Variants in GABRG3 observed in about 807,000 individuals in gnomAD.
The protein encoded by GABRG3 is gamma-aminobutyric acid receptor subunit gamma-3.
GABRG3 carries 25 observed loss-of-function variants against 48.8 expected under a neutral mutation model. The observed-to-expected ratio is 0.51, with a 90% confidence interval of 0.37 to 0.72. The LOEUF (loss-of-function observed/expected upper bound fraction) is 0.72. Ranked by LOEUF, GABRG3 falls within the 30% of genes least tolerant of loss-of-function variation. GABRG3 has a pLI of 0.00. For synonymous variants in GABRG3, 227 were observed against 217.6 expected, an observed-to-expected ratio of 1.04 and a Z score of -0.38; for missense variants, 394 against 577.9, an observed-to-expected ratio of 0.68 and a Z score of 3.26.
At chr15:27,295,810 AG>A (rs926698365) in intron 3 of GABRG3, among the ~76,000 whole-genome samples, 10 of 152,174 alleles carry the variant, frequency 6.6e-5, no homozygotes, top group African/African-American at 2.4e-4. Flanking sequence ...ATGCACCCTG[AG>A]TCCCACTCCT....
intron 6 of GABRG3, among the ~76,000 whole-genome samples, chr15:27,488,666 G>A (rs1008429809): frequency 6.6e-6 from 1 of 152,156 alleles, no homozygotes; most frequent in Non-Finnish European, 1.5e-5. Context: ...TGAATGTTTG[G>A]AAGAGAAAAT....
chr15:27,272,568 C>CT (rs1237541702), intron 3 of GABRG3, among the ~76,000 whole-genome samples: 1 of 152,146 alleles, frequency 6.6e-6, no homozygotes, highest in Admixed American at 6.5e-5. Context: ...TTTTGAAAGT[C>CT]TGACTGCTAA....
chr15:26,982,157 T>C (rs994085140), intron 2 of GABRG3, among the ~76,000 whole-genome samples: 2 of 152,234 alleles, frequency 1.3e-5, no homozygotes, highest in Admixed American at 6.5e-5. Flanking sequence ...AAAATCTTTC[T>C]AGTGTGAAGA....
chr15:27,280,195 T>G (rs886642983), intron 3 of GABRG3: 2 of 152,172 alleles, frequency 1.3e-5, no homozygotes, highest in African/African-American at 4.8e-5. Flanking sequence ...TGCTATTCTT[T>G]TTTCTTAAGG....
intron 7 of GABRG3, among the ~76,000 whole-genome samples, chr15:27,525,923 A>G (rs1339698476): frequency 6.6e-6 from 1 of 151,190 alleles, no homozygotes; most frequent in Non-Finnish European, 1.5e-5. Context: ...ATAAACATGT[A>G]CATTCTGCAC....
Position 27,452,529 on chromosome 15 carries a change from C to T in GABRG3, c.575-28121C>T, listed in dbSNP as rs544834567. 9.4e-4 allele frequency among the ~76,000 whole-genome samples: 143 copies of T among 152,280 alleles called. 1 individual carries two copies. The highest frequency in any genetic ancestry group is 3.3e-3 in the African/African-American group (138 of 41,568). ...ATAACAAAAACAGTCAATTAACACA[C>T]ATTTCATTTGTTATATGCATTATAT... On this transcript the variant is annotated intron_variant, in intron 5 of 9. Transcript: ENST00000615808.
In GABRG3 at chr15:27,053,772, G is replaced by A. The variant is rs367922884; in HGVS notation, c.270+26951G>A. On this transcript the variant is annotated intron_variant, in intron 3 of 9. Transcript: ENST00000615808. ...AAAAGAAAATGTGTAAATATACACC[G>A]TGAAATACCGCGCAGCCATTAAGAA... Among the ~76,000 whole-genome samples the A allele has an allele frequency of 5.3e-5, 8 of 152,212 alleles. No homozygotes were observed. In the East Asian group the frequency reaches 1.2e-3, roughly 22 times the overall value.
At chr15:27,127,009 T>C (rs529838264) in intron 3 of GABRG3, among the ~76,000 whole-genome samples, 1 of 152,244 alleles carries the variant, frequency 6.6e-6, no homozygotes, top group African/African-American at 2.4e-5. Context: ...AGATTTTTAA[T>C]AGTATACATT....
At chr15:27,175,459 C>T (rs895180721) in intron 3 of GABRG3, among the ~76,000 whole-genome samples, 1 of 152,204 alleles carries the variant, frequency 6.6e-6, no homozygotes, top group South Asian at 2.1e-4. Context: ...CTAAATATAT[C>T]ATCCATAGGT....
chr15:27,041,115 G>A (rs79300677), intron 3 of GABRG3, among the ~76,000 whole-genome samples: 3,497 of 152,280 alleles, frequency 0.023, 134 homozygotes, highest in African/African-American at 0.079. Flanking sequence ...GATGGTATAT[G>A]CACCATTCAC....
chr15:27,204,314 C>T (rs1888786257), intron 3 of GABRG3, among the ~76,000 whole-genome samples: 1 of 152,068 alleles, frequency 6.6e-6, no homozygotes, highest in Non-Finnish European at 1.5e-5. Flanking sequence ...AGTGCTTTCC[C>T]TATTGCTTGT....
At position 27,241,215 on chromosome 15, in the gene GABRG3, G is replaced by A. The variant is rs181298869; in HGVS notation, c.271-85594G>A. Among the ~76,000 whole-genome samples, 12 of 152,226 alleles carry A rather than the reference G, an allele frequency of 7.9e-5. No homozygotes were observed. The East Asian group carries it at 2.1e-3, about 27-fold the overall frequency. On this transcript the variant is annotated intron_variant, in intron 3 of 9. Transcript: ENST00000615808. ...TTTCACATACTATATGGTACCCGAG[G>A]TCACAACAGGTCATTGGTCATGAGG...
chr15:27,515,150 G>A (rs933038629), intron 6 of GABRG3, among the ~76,000 whole-genome samples: 4 of 151,878 alleles, frequency 2.6e-5, no homozygotes, highest in Admixed American at 2.0e-4. Flanking sequence ...GTGGCATTCC[G>A]AGATAGTTCT....
At chr15:27,063,690 G>A (rs946433209) in intron 3 of GABRG3, among the ~76,000 whole-genome samples, 9 of 152,204 alleles carry the variant, frequency 5.9e-5, no homozygotes, top group South Asian at 2.1e-4. Context: ...ATAGCCTTGC[G>A]AGAATGGCCT....
At position 27,528,003 on chromosome 15, in the gene GABRG3, C is replaced by T. The variant is rs200582501; in HGVS notation, c.1122+11C>T. On this transcript the variant is annotated intron_variant, in intron 9 of 9. Transcript: ENST00000615808. ...CTACAAGCCCCTTCCGTACGTATAGCATTGCAGGTGCCAATATTTCTGAGA... is the reference window on the plus strand; with the variant it reads ...CTACAAGCCCCTTCCGTACGTATAGTATTGCAGGTGCCAATATTTCTGAGA... 1.3e-6 allele frequency: 2 copies of T among 1,582,052 alleles called. No homozygotes were observed. Among genetic ancestry groups the T allele is most frequent in the African/African-American group, 1.3e-5 (1 of 74,560 alleles).
chr15:27,417,424 T>C (rs188629485), intron 5 of GABRG3, among the ~76,000 whole-genome samples: 60 of 152,234 alleles, frequency 3.9e-4, no homozygotes, highest in African/African-American at 1.4e-3. Context: ...CCCCTGTTGG[T>C]GTTTCTCTCT....
intron 5 of GABRG3, among the ~76,000 whole-genome samples, chr15:27,421,296 C>T (rs1888105270): frequency 6.6e-6 from 1 of 152,246 alleles, no homozygotes; most frequent in African/African-American, 2.4e-5. Context: ...TATCAATGGA[C>T]AGTCTTCATC....
chr15:27,317,453 C>T (rs560791462), intron 3 of GABRG3, among the ~76,000 whole-genome samples: 1 of 152,326 alleles, frequency 6.6e-6, no homozygotes, highest in African/African-American at 2.4e-5. Context: ...CACTGTTTCT[C>T]TTTATCTCAG....
chr15:27,401,941 A>AT (rs58390614), intron 5 of GABRG3, among the ~76,000 whole-genome samples: 9,777 of 152,258 alleles, frequency 0.064, 1,055 homozygotes, highest in African/African-American at 0.22. Context: ...AATGCAGACA[A>AT]TTGGCCACAA....
Sources: gnomAD v4.1 joint callset for allele counts (sites outside exome capture counted in the v4.1 genomes callset) on GRCh38, gnomAD v4.1.1 for gene constraint, MANE v1.5 for transcripts, NCBI Gene and HGNC (gene_info 2026-07-23, HGNC 2026-07-21) for gene names.